The following C1orf141 variants were observed in gnomAD, a reference collection of about 807,000 sequenced individuals.
C1orf141 encodes chromosome 1 open reading frame 141, also known as uncharacterized protein C1orf141.
C1orf141 carries 19 observed loss-of-function variants against 23.2 expected under a neutral mutation model. That is an observed-to-expected ratio of 0.82 (90% CI 0.57 to 1.20). The LOEUF (loss-of-function observed/expected upper bound fraction) is 1.20. Among genes scored for constraint, C1orf141 ranks in the 50% most tolerant of loss-of-function variants. C1orf141 has a pLI of 0.00. For missense variants in C1orf141, 469 were observed against 455.1 expected (o/e 1.03, Z -0.28); for synonymous variants, 153 against 154.6 (o/e 0.99, Z 0.08).
chr1:67,112,121 G>A (rs1447126266), intron 5 of C1orf141, among the ~76,000 whole-genome samples: 4 of 152,144 alleles, frequency 2.6e-5, no homozygotes, highest in African/African-American at 9.7e-5. Context: ...GGTCCAAATT[G>A]CACCTTTTTG....
At chr1:67,135,812 T>TA (rs1646580001), upstream of C1orf141, among the ~76,000 whole-genome samples, 1 of 133,652 alleles carries the variant, frequency 7.5e-6, no homozygotes, top group Middle Eastern at 5.2e-3. Context: ...GGAAAAGCTT[T>TA]AAAAAACAGC....
chr1:67,107,100 G>A (rs1376520802), intron 5 of C1orf141, among the ~76,000 whole-genome samples: 37 of 152,180 alleles, frequency 2.4e-4, no homozygotes, highest in Admixed American at 2.4e-3. Context: ...GTTTGGGGAA[G>A]TAAATGGAAC....
At position 67,093,236 on chromosome 1, in the gene C1orf141, T is replaced by A. The variant is rs749310170; in HGVS notation, c.972A>T (p.Leu324=). ...CAAGGTAACCCACAAATTGTTTTGTTAGGCTAGAAAAATTCTGTGAGAAAT... is the reference window on the plus strand; with the variant it reads ...CAAGGTAACCCACAAATTGTTTTGTAAGGCTAGAAAAATTCTGTGAGAAAT... ...LYNFSQNFSS[L]TKQFVGYLDK... is the part of the protein sequence containing the mutation. The change falls in exon 8 of 8, where the codon CTA becomes CTT. Residue 324 remains leucine (L), a synonymous_variant. Transcript: ENST00000684719. The A allele has an allele frequency of 2.5e-6, 4 of 1,613,952 alleles. No homozygotes were observed. The South Asian group carries it at 4.4e-5, about 18-fold the overall frequency.
chr1:67,126,796 A>G (rs1646423399), intron 3 of C1orf141, among the ~76,000 whole-genome samples: 1 of 152,252 alleles, frequency 6.6e-6, no homozygotes. Flanking sequence ...GCTAAAGTTA[A>G]GAGAAAGATC....
intron 4 of C1orf141, among the ~76,000 whole-genome samples, chr1:67,117,387 C>T (rs1227917867): frequency 2.0e-5 from 3 of 152,122 alleles, no homozygotes; most frequent in Non-Finnish European, 4.4e-5. Flanking sequence ...CGTGCCACTG[C>T]ACTCCAGCCT....
Position 67,092,903 on chromosome 1 carries a change from T to C in C1orf141, c.*102A>G, listed in dbSNP as rs1645582757. 3 of 896,700 alleles carry C rather than the reference T, an allele frequency of 3.3e-6. No homozygotes were observed. Among genetic ancestry groups the C allele is most frequent in the Non-Finnish European group, 5.1e-6 (3 of 592,124 alleles). 55.5% of individuals were successfully genotyped at this position (896,700 alleles called of 1,614,324 possible). On this transcript the variant is annotated 3_prime_UTR_variant, in exon 8 of 8. Transcript: ENST00000684719. ...AATGTCTATGCTTTGCTTTCTTATA[T>C]GATCAATTAGAACATTACTATTTGG...
At chr1:67,120,778 T>C (rs1025092181) in intron 4 of C1orf141, among the ~76,000 whole-genome samples, 2 of 148,052 alleles carry the variant, frequency 1.4e-5, no homozygotes, top group African/African-American at 5.0e-5. Context: ...CAGGGTATGG[T>C]ATTCTTTATA....
chr1:67,108,937 C>G (rs1359653172), intron 5 of C1orf141, among the ~76,000 whole-genome samples: 1 of 151,914 alleles, frequency 6.6e-6, no homozygotes, highest in Non-Finnish European at 1.5e-5. Context: ...AAAAATAGAC[C>G]TTGGCATGGA....
chr1:67,119,931 G>A (rs1325194288), intron 4 of C1orf141, among the ~76,000 whole-genome samples: 1 of 152,230 alleles, frequency 6.6e-6, no homozygotes, highest in Admixed American at 6.5e-5. Flanking sequence ...GGACAGGGCT[G>A]CCTCCACTTC....
rs1291129131 is a variant in C1orf141 at position 67,092,638 on chromosome 1, T to A, written c.*367A>T. 1 of 158,722 alleles carries A rather than the reference T, an allele frequency of 6.3e-6. No homozygotes were observed. The highest frequency in any genetic ancestry group is 2.4e-5 in the African/African-American group (1 of 41,488). The allele number at this position is 158,722 out of a possible 1,614,324, so 9.8% of individuals were successfully genotyped here. ...TAATTTGTCTTATTTGATATTCAAT[T>A]ATAGAACAAGAGTATTGATGTTATT... is the stretch of plus-strand genomic sequence containing the variant. On this transcript the variant is annotated 3_prime_UTR_variant, in exon 8 of 8. Transcript: ENST00000684719.
At chr1:67,125,514 A>G (rs1184199750) in intron 4 of C1orf141, among the ~76,000 whole-genome samples, 1 of 152,182 alleles carries the variant, frequency 6.6e-6, no homozygotes, top group Non-Finnish European at 1.5e-5. Flanking sequence ...CCTGGGCAGC[A>G]TGGGAAAACC....
At chr1:67,113,141 G>T (rs377423292) in intron 5 of C1orf141, among the ~76,000 whole-genome samples, 3 of 151,822 alleles carry the variant, frequency 2.0e-5, no homozygotes, top group African/African-American at 7.3e-5. Flanking sequence ...CACCACACCC[G>T]GCTAATTTTT....
chr1:67,096,244 T>C lies in C1orf141; in HGVS notation c.416+8A>G. The stretch of plus-strand genomic sequence containing the variant: ...GAACAAAGTATTAAGCATTTTAAAA[T>C]AAATTACCTTTTATTTCTATCACCT... On this transcript the variant is annotated splice_region_variant and intron_variant, in intron 6 of 7. Transcript: ENST00000684719. 7.5e-7 allele frequency: 1 copy of C among 1,333,710 alleles called. No homozygotes were observed. Among genetic ancestry groups the C allele is most frequent in the South Asian group, 1.3e-5 (1 of 78,252 alleles). The allele number at this position is 1,333,710 out of a possible 1,614,324, so 82.6% of individuals were successfully genotyped here. A position where few individuals can be genotyped will look rare whatever the true frequency, so the allele number is the denominator to read the frequency against.
chr1:67,114,053 A>G (rs180878168), intron 5 of C1orf141, among the ~76,000 whole-genome samples: 1 of 152,292 alleles, frequency 6.6e-6, no homozygotes, highest in East Asian at 1.9e-4. Context: ...AGATAGAAAA[A>G]AACAAAAAGC....
chr1:67,108,756 C>T (rs1252010100), intron 5 of C1orf141, among the ~76,000 whole-genome samples: 2 of 151,812 alleles, frequency 1.3e-5, no homozygotes, highest in Admixed American at 1.3e-4. Flanking sequence ...CAAAAACCAA[C>T]AAATAATCCC....
At chr1:67,135,884 G>A (rs1558211028), upstream of C1orf141, among the ~76,000 whole-genome samples, 3 of 112,504 alleles carry the variant, frequency 2.7e-5, no homozygotes, top group South Asian at 8.5e-4. Context: ...ACAAGTCTGT[G>A]CTAGTGGCAA....
rs926839385 is a variant in C1orf141, at chr1:67,114,274, A to T, written c.346+1078T>A. Among the ~76,000 whole-genome samples the T allele has an allele frequency of 3.2e-5, 4 of 123,694 alleles. No homozygotes were observed. The Admixed American group carries it at 3.7e-4, about 11-fold the overall frequency. The allele number at this position is 123,694 out of a possible 152,430, so 81.1% of individuals were successfully genotyped here. A position where few individuals can be genotyped will look rare whatever the true frequency, so the allele number is the denominator to read the frequency against. ...GTTCTGACAAGTACTGCCTCCATAT[A>T]CCTGGCATAAACAATAAAAAAAAAA... is the stretch of plus-strand genomic sequence containing the variant. On this transcript the variant is annotated intron_variant, in intron 5 of 7. Coordinates refer to ENST00000684719, the MANE Select transcript of C1orf141 (RefSeq NM_001276351.2).
At chr1:67,107,747 G>T (rs10736407) in intron 5 of C1orf141, among the ~76,000 whole-genome samples, 4 of 151,992 alleles carry the variant, frequency 2.6e-5, no homozygotes, top group South Asian at 4.1e-4. Flanking sequence ...ACAATTAGCC[G>T]GGCGTGGTGG....
At chr1:67,101,145 A>G (rs1334553192) in intron 5 of C1orf141, among the ~76,000 whole-genome samples, 1 of 152,140 alleles carries the variant, frequency 6.6e-6, no homozygotes, top group Non-Finnish European at 1.5e-5. Flanking sequence ...CGTTGGTCAC[A>G]GTCCAAAAAT....
Sources: gnomAD v4.1 joint callset for allele counts (sites outside exome capture counted in the v4.1 genomes callset) on GRCh38, gnomAD v4.1.1 for gene constraint, MANE v1.5 for transcripts, NCBI Gene and HGNC (gene_info 2026-07-23, HGNC 2026-07-21) for gene names.